CPXM2: variants seen among roughly 807,000 people sequenced by gnomAD.
CPXM2 encodes the protein inactive carboxypeptidase-like protein X2.
Under a neutral mutation model 86.1 loss-of-function variants are expected in CPXM2, and 66 were observed. The ratio of observed to expected loss-of-function variants is 0.77; its 90% confidence interval spans 0.63 to 0.94. CPXM2 has a LOEUF of 0.94. Among genes scored for constraint, CPXM2 ranks in the 40% least tolerant of loss-of-function variants. The pLI is 0.00. For synonymous variants in CPXM2, 388 were observed against 400.2 expected, an observed-to-expected ratio of 0.97 and a Z score of 0.36; for missense variants, 948 against 1,026.3, an observed-to-expected ratio of 0.92 and a Z score of 1.04.
At chr10:123,904,910 T>TTA (rs879353583) in intron 2 of CPXM2, among the ~76,000 whole-genome samples, 41,930 of 127,158 alleles carry the variant, frequency 0.33, 11,370 homozygotes, top group African/African-American at 0.41. Flanking sequence ...GAGCTCTGCA[T>TTA]CACACCTGCA....
intron 6 of CPXM2, among the ~76,000 whole-genome samples, chr10:123,781,158 G>C (rs1282236544): frequency 1.3e-5 from 2 of 152,206 alleles, no homozygotes; most frequent in African/African-American, 4.8e-5. Flanking sequence ...TGGGAGCTGG[G>C]GTTTCTGCTG....
At chr10:123,788,028 C>A (rs1847108113) in intron 6 of CPXM2, among the ~76,000 whole-genome samples, 2 of 151,942 alleles carry the variant, frequency 1.3e-5, no homozygotes, top group Non-Finnish European at 2.9e-5. Flanking sequence ...GCCTGTAATC[C>A]TAGCACTCTG....
At position 123,891,630 on chromosome 10, in the gene CPXM2, C is replaced by G; in HGVS notation, c.30G>C (p.Ala10=). MSRPGTATP[A]LALVLLAVTL... is the part of the protein sequence containing the mutation. Reference sequence around the variant, plus strand: ...TCACTGCCAGGAGCACCAGGGCCAGCGCTGGGGTAGCGGTCCCCGGGCGGG... The same window carrying G: ...TCACTGCCAGGAGCACCAGGGCCAGGGCTGGGGTAGCGGTCCCCGGGCGGG... The change falls in exon 1 of 14, where the codon GCG becomes GCC. Residue 10 remains alanine, a synonymous_variant. Coordinates refer to ENST00000241305, the MANE Select transcript of CPXM2 (RefSeq NM_198148.3). The surrounding 1 kb of genome is among the most constrained non-coding windows in gnomAD (Gnocchi z 5.6). The G allele has an allele frequency of 8.8e-6, 13 of 1,469,424 alleles. No individual in the cohort carries two copies. Among genetic ancestry groups the G allele is most frequent in the Non-Finnish European group, 1.2e-5 (13 of 1,109,568 alleles). 91.0% of individuals were successfully genotyped at this position (1,469,424 alleles called of 1,614,324 possible). A position where few individuals can be genotyped will look rare whatever the true frequency, so the allele number is the denominator to read the frequency against.
chr10:123,761,207 T>C (rs1356345955), intron 11 of CPXM2, among the ~76,000 whole-genome samples: 1 of 152,180 alleles, frequency 6.6e-6, no homozygotes, highest in South Asian at 2.1e-4. Context: ...GAATTCCCCA[T>C]GCAGCACACA....
chr10:123,881,272 CAAG>C, intron 1 of CPXM2, among the ~76,000 whole-genome samples: 1 of 141,490 alleles, frequency 7.1e-6, no homozygotes, highest in South Asian at 2.3e-4. Flanking sequence ...CCTTTACGCT[CAAG>C]CTAATTAGCT....
chr10:123,780,682 G>A (rs1009449527), intron 6 of CPXM2, among the ~76,000 whole-genome samples: 3 of 152,116 alleles, frequency 2.0e-5, no homozygotes, highest in Admixed American at 6.6e-5. Context: ...ACACATACTT[G>A]GAGACTTCTG....
At chr10:123,772,776 C>G (rs768331682) in intron 7 of CPXM2, among the ~76,000 whole-genome samples, 1 of 151,708 alleles carries the variant, frequency 6.6e-6, no homozygotes, top group East Asian at 1.9e-4. Flanking sequence ...TTATCAGCTC[C>G]CTGGTTGTGG....
intron 3 of CPXM2, among the ~76,000 whole-genome samples, chr10:123,852,186 G>A (rs758165562): frequency 6.6e-6 from 1 of 152,094 alleles, no homozygotes; most frequent in East Asian, 1.9e-4. Flanking sequence ...CCCAGGGAAT[G>A]AATGCACCTG....
At chr10:123,935,879 T>TA (rs1419230138) in intron 2 of CPXM2, among the ~76,000 whole-genome samples, 1 of 142,496 alleles carries the variant, frequency 7.0e-6, no homozygotes, top group East Asian at 2.1e-4. Flanking sequence ...CCACCATCCT[T>TA]ACCATCATCA....
intron 4 of CPXM2, among the ~76,000 whole-genome samples, chr10:123,800,505 T>C (rs1428260308): frequency 6.6e-6 from 1 of 152,090 alleles, no homozygotes; most frequent in Non-Finnish European, 1.5e-5. Flanking sequence ...GCAACCTGTT[T>C]CCCACACACA....
At chr10:123,892,631 C>A (rs1945294279), upstream of CPXM2, among the ~76,000 whole-genome samples, 1 of 152,206 alleles carries the variant, frequency 6.6e-6, no homozygotes, top group African/African-American at 2.4e-5. Context: ...TCAAACAACA[C>A]CTATCTCACA....
intron 1 of CPXM2, among the ~76,000 whole-genome samples, chr10:123,886,099 T>C (rs1945174083): frequency 6.6e-6 from 1 of 152,216 alleles, no homozygotes; most frequent in South Asian, 2.1e-4. Context: ...GTACAGGAAA[T>C]GACGTCCTCT....
At chr10:123,772,987 C>T (rs1846684211) in intron 7 of CPXM2, among the ~76,000 whole-genome samples, 1 of 148,204 alleles carries the variant, frequency 6.7e-6, no homozygotes, top group Non-Finnish European at 1.5e-5. Context: ...CACCACCTCC[C>T]TTGTTGTGGT....
intron 5 of CPXM2, 126 bp from the exon 6 acceptor site, chr10:123,798,252 A>AT: frequency 7.1e-4 from 433 of 610,388 alleles, no homozygotes; most frequent in Non-Finnish European, 7.7e-4. Context: ...TGCATTGAAA[A>AT]GAAAAAAAAA....
chr10:123,859,106 C>T (rs1233570216), intron 3 of CPXM2, among the ~76,000 whole-genome samples: 1 of 152,090 alleles, frequency 6.6e-6, no homozygotes, highest in East Asian at 1.9e-4. Context: ...CCTATAGAGT[C>T]CTAGGCCGGC....
At chr10:123,751,454 T>C (rs1456459376) in intron 13 of CPXM2, 1 of 962,760 alleles carries the variant, frequency 1.0e-6, no homozygotes, top group African/African-American at 1.8e-5. Flanking sequence ...GGTTTGCGTC[T>C]TTCCTTATAA....
intron 4 of CPXM2, among the ~76,000 whole-genome samples, chr10:123,803,516 A>G (rs1354032677): frequency 6.6e-6 from 1 of 151,830 alleles, no homozygotes; most frequent in Non-Finnish European, 1.5e-5. Context: ...ATTTTTGCCT[A>G]CTCCAAGATG....
chr10:123,829,334 G>A (rs1013925393), intron 4 of CPXM2, among the ~76,000 whole-genome samples: 2 of 151,902 alleles, frequency 1.3e-5, no homozygotes, highest in Non-Finnish European at 2.9e-5. Flanking sequence ...AACTGAATAC[G>A]CAATGAACAG....
chr10:123,782,156 T>C (rs1442760247), intron 6 of CPXM2, among the ~76,000 whole-genome samples: 1 of 152,226 alleles, frequency 6.6e-6, no homozygotes, highest in Non-Finnish European at 1.5e-5. Flanking sequence ...CCCTTTCCTT[T>C]TAGGAGTGGA....
Sources: gnomAD v4.1 joint callset for allele counts (sites outside exome capture counted in the v4.1 genomes callset) on GRCh38, gnomAD v4.1.1 for gene constraint, Gnocchi (gnomAD v3.1) non-coding constraint, MANE v1.5 for transcripts, NCBI Gene and HGNC (gene_info 2026-07-23, HGNC 2026-07-21) for gene names.